SLC71A1: variants seen among roughly 807,000 people sequenced by gnomAD.
SLC71A1 encodes hippocampus abundant gene transcript 1.
the SLC71A1 span, chr1:100,068,608 G>T: frequency 7.5e-7 from 1 of 1,333,808 alleles, no homozygotes; most frequent in South Asian, 1.2e-5. Flanking sequence ...TTCCACTAAG[G>T]TGGACTTTTC....
At chr1:100,038,903 G>A in the SLC71A1 span, among the ~76,000 whole-genome samples, 9 of 152,226 alleles carry the variant, frequency 5.9e-5, no homozygotes, top group African/African-American at 2.2e-4. Flanking sequence ...CTCACTTCCC[G>A]GAGTCGGAAG....
At chr1:100,047,633 G>T in the SLC71A1 span, among the ~76,000 whole-genome samples, 1 of 152,128 alleles carries the variant, frequency 6.6e-6, no homozygotes, top group Non-Finnish European at 1.5e-5. Context: ...TGTTGGTCAG[G>T]CTGGTCTTGA....
At chr1:100,061,776 AAAG>A in the SLC71A1 span, 1 of 1,067,130 alleles carries the variant, frequency 9.4e-7, no homozygotes, top group Non-Finnish European at 1.4e-6. Flanking sequence ...TATAAAAATG[AAAG>A]AAGATTAAAA....
At chr1:100,054,199 G>A in the SLC71A1 span, among the ~76,000 whole-genome samples, 4 of 151,338 alleles carry the variant, frequency 2.6e-5, no homozygotes, top group African/African-American at 4.8e-5. Flanking sequence ...ATGTCACCAC[G>A]CCCAGCTAAT....
At chr1:100,049,560 G>A in the SLC71A1 span, among the ~76,000 whole-genome samples, 94 of 152,122 alleles carry the variant, frequency 6.2e-4, no homozygotes, top group Non-Finnish European at 1.2e-3. Flanking sequence ...GCAAGCCTTG[G>A]AAGCTTTGTA....
chr1:100,046,797 CTTCT>C, the SLC71A1 span, among the ~76,000 whole-genome samples: 3 of 152,136 alleles, frequency 2.0e-5, no homozygotes, highest in African/African-American at 4.8e-5. Context: ...ACATCTTTCA[CTTCT>C]TTAAGTTTAT....
the SLC71A1 span, chr1:100,038,124 C>A: frequency 2.1e-6 from 2 of 949,448 alleles, no homozygotes; most frequent in Non-Finnish European, 1.6e-6. Context: ...AAGATGGCGG[C>A]GGGCGCCCAG....
the SLC71A1 span, among the ~76,000 whole-genome samples, chr1:100,071,272 C>G: frequency 1.1e-5 from 1 of 94,600 alleles, no homozygotes; most frequent in African/African-American, 4.1e-5. Context: ...AGCAACTTGG[C>G]AAAACCCCAT....
chr1:100,055,955 A>G, the SLC71A1 span, among the ~76,000 whole-genome samples: 1 of 151,926 alleles, frequency 6.6e-6, no homozygotes, highest in Non-Finnish European at 1.5e-5. Context: ...GTTTCACCGT[A>G]TTGGCCAGGA....
the SLC71A1 span, among the ~76,000 whole-genome samples, chr1:100,042,338 A>C: frequency 6.6e-6 from 1 of 152,232 alleles, no homozygotes; most frequent in African/African-American, 2.4e-5. Flanking sequence ...ATATCATTTG[A>C]AAATGAAATG....
the SLC71A1 span, chr1:100,078,349 C>T: frequency 1.3e-6 from 1 of 751,062 alleles, no homozygotes; most frequent in Non-Finnish European, 2.2e-6. Flanking sequence ...TTCTCCTTTT[C>T]TCTACAGCCA....
the SLC71A1 span, among the ~76,000 whole-genome samples, chr1:100,038,578 C>T: frequency 6.6e-6 from 1 of 152,158 alleles, no homozygotes; most frequent in African/African-American, 2.4e-5. Flanking sequence ...TCTGCAGGCC[C>T]TGCGGCCTCG....
the SLC71A1 span, chr1:100,077,117 T>G: frequency 5.6e-6 from 5 of 896,912 alleles, no homozygotes; most frequent in African/African-American, 1.7e-5. Flanking sequence ...TTGAAAGAAG[T>G]CACTTTTTAA....
At chr1:100,069,990 T>C in the SLC71A1 span, among the ~76,000 whole-genome samples, 1 of 152,228 alleles carries the variant, frequency 6.6e-6, no homozygotes, top group Non-Finnish European at 1.5e-5. Flanking sequence ...TCAACAAATA[T>C]TTATTGAATA....
At chr1:100,067,536 C>T in the SLC71A1 span, among the ~76,000 whole-genome samples, 1 of 152,144 alleles carries the variant, frequency 6.6e-6, no homozygotes, top group African/African-American at 2.4e-5. Flanking sequence ...TGGGGCCAGG[C>T]TTGGTGTCTC....
chr1:100,082,128 C>G, the SLC71A1 span: 1 of 1,614,160 alleles, frequency 6.2e-7, no homozygotes, highest in South Asian at 1.1e-5. Context: ...GGAGAAAGCA[C>G]TGTGGCAGTC....
At chr1:100,066,988 C>A in the SLC71A1 span, among the ~76,000 whole-genome samples, 159 of 69,252 alleles carry the variant, frequency 2.3e-3, no homozygotes, top group South Asian at 6.1e-3. Context: ...GACTCCGTCT[C>A]AAAAAAAAAA....
At chr1:100,072,027 A>G in the SLC71A1 span, among the ~76,000 whole-genome samples, 7 of 152,358 alleles carry the variant, frequency 4.6e-5, no homozygotes, top group African/African-American at 1.7e-4. Flanking sequence ...CATGAGGAAC[A>G]AGGTCCTTAA....
the SLC71A1 span, among the ~76,000 whole-genome samples, chr1:100,075,468 C>A: frequency 6.6e-6 from 1 of 152,172 alleles, no homozygotes; most frequent in African/African-American, 2.4e-5. Flanking sequence ...AGAAGTTCTT[C>A]AACTTTGCAT....
Sources: allele counts gnomAD v4.1 joint callset (sites outside exome capture counted in the v4.1 genomes callset), GRCh38; gene constraint gnomAD v4.1.1; transcripts MANE v1.5; gene names NCBI Gene and HGNC (gene_info 2026-07-23, HGNC 2026-07-21).